SHISA9: variants seen among roughly 807,000 people sequenced by gnomAD.
The protein encoded by SHISA9 is protein shisa-9.
Under a neutral mutation model 38.0 loss-of-function variants are expected in SHISA9, and 13 were observed. That is an observed-to-expected ratio of 0.34 (90% CI 0.22 to 0.54). SHISA9 has a LOEUF of 0.54. Ranked by LOEUF, SHISA9 falls within the 20% of genes least tolerant of loss-of-function variation. The pLI is 0.91. For missense variants in SHISA9, 538 were observed against 575.8 expected, an observed-to-expected ratio of 0.93 and a Z score of 0.67; for synonymous variants, 275 against 242.0, an observed-to-expected ratio of 1.14 and a Z score of -1.27.
chr16:13,318,336 T>C, the SHISA9 span, among the ~76,000 whole-genome samples: 1 of 151,790 alleles, frequency 6.6e-6, no homozygotes, highest in Admixed American at 6.6e-5. Flanking sequence ...TTTTTTTTTC[T>C]TTTTGAGACA....
intron 1 of SHISA9, among the ~76,000 whole-genome samples, chr16:12,916,404 T>A (rs1203722630): frequency 6.6e-6 from 1 of 152,220 alleles, no homozygotes; most frequent in Non-Finnish European, 1.5e-5. Context: ...ACACATTATA[T>A]GTATTCATCA....
intron 2 of SHISA9, among the ~76,000 whole-genome samples, chr16:13,090,109 G>C (rs552979924): frequency 2.0e-5 from 3 of 152,356 alleles, no homozygotes; most frequent in Non-Finnish European, 4.4e-5. Flanking sequence ...TAGTTGTGCA[G>C]TTTTGAGTGA....
intron 2 of SHISA9, among the ~76,000 whole-genome samples, chr16:13,178,910 A>C (rs1898681): frequency 0.5 from 75,467 of 151,850 alleles, 20,054 homozygotes; most frequent in African/African-American, 0.7. Context: ...TAATTCTAGA[A>C]AAGCCTGATG....
At chr16:13,375,010 G>C in the SHISA9 span, among the ~76,000 whole-genome samples, 1 of 152,114 alleles carries the variant, frequency 6.6e-6, no homozygotes, top group Non-Finnish European at 1.5e-5. Flanking sequence ...TTTTGATGGG[G>C]TGGGGTTGTT....
At chr16:13,242,053 C>T (rs2142096779), downstream of SHISA9, among the ~76,000 whole-genome samples, 1 of 152,332 alleles carries the variant, frequency 6.6e-6, no homozygotes, top group East Asian at 1.9e-4. Flanking sequence ...GAGCCACACA[C>T]TGTTAAAGAC....
the SHISA9 span, among the ~76,000 whole-genome samples, chr16:13,335,767 C>T: frequency 2.0e-5 from 3 of 152,052 alleles, no homozygotes; most frequent in Non-Finnish European, 2.9e-5. Flanking sequence ...TGGGGGGGAT[C>T]GGAGACTCAA....
chr16:13,261,282 C>CAAGATCTGTAGT, the SHISA9 span, among the ~76,000 whole-genome samples: 1 of 152,052 alleles, frequency 6.6e-6, no homozygotes. Context: ...TCTAGTCCGT[C>CAAGATCTGTAGT]CAGTCAAGAT....
chr16:13,177,647 TCACGG>T (rs547548547), intron 2 of SHISA9, among the ~76,000 whole-genome samples: 4 of 152,020 alleles, frequency 2.6e-5, no homozygotes, highest in Admixed American at 6.6e-5. Flanking sequence ...AGAACTAGGT[TCACGG>T]TGTTTTTGTT....
At chr16:13,137,185 T>G (rs2050357179) in intron 2 of SHISA9, among the ~76,000 whole-genome samples, 1 of 151,984 alleles carries the variant, frequency 6.6e-6, no homozygotes, top group Non-Finnish European at 1.5e-5. Context: ...CCAGATGGAG[T>G]TGGATGAAAT....
chr16:13,232,277 A>G (rs763559460), intron 4 of SHISA9, among the ~76,000 whole-genome samples: 52 of 152,168 alleles, frequency 3.4e-4, no homozygotes, highest in Non-Finnish European at 6.8e-4. Context: ...ATAATCTTAT[A>G]ATAAAAGAAT....
chr16:13,510,156 A>G, the SHISA9 span, among the ~76,000 whole-genome samples: 469 of 152,238 alleles, frequency 3.1e-3, 5 homozygotes, highest in Middle Eastern at 0.014. Context: ...AAATGCAAAA[A>G]AATTAGCTAG....
chr16:13,502,150 T>C, the SHISA9 span, among the ~76,000 whole-genome samples: 1 of 152,176 alleles, frequency 6.6e-6, no homozygotes, highest in Admixed American at 6.6e-5. Flanking sequence ...GAGTATAATA[T>C]TTTTAGGTCA....
intron 2 of SHISA9, among the ~76,000 whole-genome samples, chr16:13,163,920 C>A (rs1001808220): frequency 3.3e-5 from 5 of 151,934 alleles, no homozygotes; most frequent in Admixed American, 2.0e-4. Flanking sequence ...ATCTCATCTG[C>A]AAATAAACAC....
At chr16:13,210,744 T>G (rs972576249) in intron 3 of SHISA9, among the ~76,000 whole-genome samples, 1 of 152,202 alleles carries the variant, frequency 6.6e-6, no homozygotes, top group African/African-American at 2.4e-5. Context: ...ACCCCCCGTT[T>G]TGCAGATGGG....
chr16:13,171,216 G>A (rs2050682982), intron 2 of SHISA9, among the ~76,000 whole-genome samples: 1 of 152,016 alleles, frequency 6.6e-6, no homozygotes, highest in African/African-American at 2.4e-5. Flanking sequence ...TGGTGGAGAG[G>A]GTACCAAGCC....
chr16:13,080,211 A>G (rs978800935), intron 2 of SHISA9, among the ~76,000 whole-genome samples: 1 of 152,088 alleles, frequency 6.6e-6, no homozygotes, highest in African/African-American at 2.4e-5. Flanking sequence ...ATCTCTACTA[A>G]AAATACAAAA....
the SHISA9 span, among the ~76,000 whole-genome samples, chr16:13,484,589 C>T: frequency 6.6e-6 from 1 of 152,150 alleles, no homozygotes; most frequent in Non-Finnish European, 1.5e-5. Flanking sequence ...TGTATTAGTC[C>T]GTTCTCACAT....
At chr16:13,250,390 G>A in the SHISA9 span, among the ~76,000 whole-genome samples, 73 of 152,130 alleles carry the variant, frequency 4.8e-4, no homozygotes, top group Admixed American at 1.4e-3. Flanking sequence ...GAGAGGGTCA[G>A]AGGTGATTTT....
intron 2 of SHISA9, among the ~76,000 whole-genome samples, chr16:13,080,675 A>G (rs2073638445): frequency 6.6e-6 from 1 of 152,194 alleles, no homozygotes; most frequent in African/African-American, 2.4e-5. Context: ...CAGAATTCCT[A>G]GTGAATAATG....
Sources: gnomAD v4.1 joint callset for allele counts (sites outside exome capture counted in the v4.1 genomes callset) on GRCh38, gnomAD v4.1.1 for gene constraint, MANE v1.5 for transcripts, NCBI Gene and HGNC (gene_info 2026-07-23, HGNC 2026-07-21) for gene names.